The following SKAP1 variants were observed in gnomAD, a reference collection of about 807,000 sequenced individuals.
SKAP1 encodes src kinase associated phosphoprotein 1.
SKAP1 carries 44 observed loss-of-function variants against 58.5 expected under a neutral mutation model. The observed-to-expected ratio is 0.75, with a 90% CI of 0.59 to 0.97. SKAP1 has a LOEUF of 0.97. SKAP1 is among the 50% of genes least tolerant of loss of function. The pLI, the probability that SKAP1 is intolerant of heterozygous loss-of-function variation, is 0.00. For missense variants in SKAP1, 390 were observed against 435.2 expected (o/e 0.90, Z 0.92); for synonymous variants, 127 against 149.7 (o/e 0.85, Z 1.11).
At chr17:48,208,778 T>C (rs2064837880) in intron 4 of SKAP1, among the ~76,000 whole-genome samples, 1 of 152,226 alleles carries the variant, frequency 6.6e-6, no homozygotes, top group African/African-American at 2.4e-5. Flanking sequence ...AAAATCACCA[T>C]AGACAATTCA....
intron 4 of SKAP1, among the ~76,000 whole-genome samples, chr17:48,235,601 G>A (rs2065171578): frequency 1.3e-5 from 2 of 152,206 alleles, no homozygotes; most frequent in Non-Finnish European, 2.9e-5. Flanking sequence ...GATGCTGCTG[G>A]AAATTGTGTT....
At chr17:48,413,546 G>C (rs1362516276) in intron 1 of SKAP1, among the ~76,000 whole-genome samples, 1 of 118,868 alleles carries the variant, frequency 8.4e-6, no homozygotes, top group African/African-American at 3.6e-5. Context: ...ATATATATTT[G>C]CTCTTCAATG....
chr17:48,269,883 C>T (rs920405028), intron 4 of SKAP1, among the ~76,000 whole-genome samples: 3 of 152,002 alleles, frequency 2.0e-5, no homozygotes, highest in Admixed American at 1.3e-4. Flanking sequence ...CACCTGAGGT[C>T]GGGAGTATCA....
chr17:48,309,059 C>T (rs185938203), intron 4 of SKAP1, among the ~76,000 whole-genome samples: 32 of 152,082 alleles, frequency 2.1e-4, no homozygotes, highest in Non-Finnish European at 4.1e-4. Context: ...TTTTCTTCCT[C>T]AAGAACTTTA....
intron 4 of SKAP1, among the ~76,000 whole-genome samples, chr17:48,316,798 C>A (rs139623363): frequency 2.0e-5 from 3 of 152,284 alleles, no homozygotes; most frequent in Admixed American, 2.0e-4. Context: ...CTAAGATGAG[C>A]TATTGATCAG....
intron 1 of SKAP1, among the ~76,000 whole-genome samples, chr17:48,417,744 C>CAAAA (rs57181313): frequency 1.7e-5 from 2 of 114,504 alleles, no homozygotes; most frequent in African/African-American, 6.1e-5. Context: ...GACTTCGTCT[C>CAAAA]AAAAAAAAAA....
the SKAP1 span, among the ~76,000 whole-genome samples, chr17:48,442,643 T>G: frequency 6.6e-6 from 1 of 152,200 alleles, no homozygotes; most frequent in African/African-American, 2.4e-5. Context: ...TTGCCCAATC[T>G]GGAACCCTGG....
chr17:48,313,512 T>C (rs1043788304), intron 4 of SKAP1, among the ~76,000 whole-genome samples: 1 of 152,160 alleles, frequency 6.6e-6, no homozygotes, highest in African/African-American at 2.4e-5. Context: ...CAATGCCCCC[T>C]AGGTTTCAAG....
intron 1 of SKAP1, among the ~76,000 whole-genome samples, chr17:48,403,057 ATG>A (rs2067521115): frequency 1.3e-5 from 2 of 152,184 alleles, no homozygotes. Flanking sequence ...GTTGTATAGT[ATG>A]TGAATTATAT....
At chr17:48,284,061 A>T (rs1359124462) in intron 4 of SKAP1, among the ~76,000 whole-genome samples, 1 of 152,128 alleles carries the variant, frequency 6.6e-6, no homozygotes, top group African/African-American at 2.4e-5. Context: ...CATATTGCTA[A>T]GATTTCCTTT....
chr17:48,430,363 G>T (rs765259806), upstream of SKAP1: 6 of 236,596 alleles, frequency 2.5e-5, no homozygotes, highest in Non-Finnish European at 4.0e-5. Flanking sequence ...GGAGCCCCAC[G>T]GTAGAAGGAT....
In SKAP1 at chr17:48,215,604, A is replaced by G. The variant is rs142011921; in HGVS notation, c.281-26104T>C. On this transcript the variant is annotated intron_variant, in intron 4 of 12. Coordinates refer to ENST00000336915, the MANE Select transcript of SKAP1 (RefSeq NM_003726.4). Reference sequence around the variant, plus strand: ...TGTGAGATATGACTCTGGACTCAGGAGAAGACCATTTTCTCATGGCCTCCC... The same window carrying G: ...TGTGAGATATGACTCTGGACTCAGGGGAAGACCATTTTCTCATGGCCTCCC... Among the ~76,000 whole-genome samples the G allele has an allele frequency of 7.9e-5, 12 of 152,308 alleles. No individual in the cohort carries two copies. In the East Asian group the frequency reaches 2.3e-3, roughly 29 times the overall value.
At chr17:48,389,436 T>C (rs1015482897) in intron 2 of SKAP1, among the ~76,000 whole-genome samples, 1 of 152,256 alleles carries the variant, frequency 6.6e-6, no homozygotes, top group African/African-American at 2.4e-5. Context: ...CCTGGGGCGA[T>C]AGGCTGAGAT....
chr17:48,411,809 T>G (rs2067669347), intron 1 of SKAP1, among the ~76,000 whole-genome samples: 1 of 152,104 alleles, frequency 6.6e-6, no homozygotes, highest in Non-Finnish European at 1.5e-5. Context: ...ACAATATACC[T>G]CACCAGTACT....
chr17:48,227,228 C>G lies in SKAP1; in HGVS notation c.281-37728G>C, dbSNP rs1018297523. On this transcript the variant is annotated intron_variant, in intron 4 of 12. Coordinates refer to ENST00000336915, the MANE Select transcript of SKAP1 (RefSeq NM_003726.4). ...AGGGCTTGGGAAAAATTAAGAGTTT[C>G]CAGAAAGACTATTTCCTAAACTGCC... is the stretch of plus-strand genomic sequence containing the variant. 3.9e-5 allele frequency among the ~76,000 whole-genome samples: 6 copies of G among 152,250 alleles called. No individual in the cohort carries two copies. The South Asian group carries it at 1.2e-3, about 32-fold the overall frequency.
chr17:48,283,238 C>T (rs868847053), intron 4 of SKAP1, among the ~76,000 whole-genome samples: 1 of 152,022 alleles, frequency 6.6e-6, no homozygotes, highest in African/African-American at 2.4e-5. Context: ...TTAGAGTAGA[C>T]TATGATACAG....
chr17:48,413,639 A>G (rs1450726983), intron 1 of SKAP1, among the ~76,000 whole-genome samples: 3 of 150,804 alleles, frequency 2.0e-5, no homozygotes, highest in African/African-American at 7.4e-5. Flanking sequence ...CTGAACAGGG[A>G]AGAGATTTTA....
intron 3 of SKAP1, among the ~76,000 whole-genome samples, chr17:48,356,245 G>A (rs35003027): frequency 0.21 from 32,171 of 151,988 alleles, 3,429 homozygotes; most frequent in Admixed American, 0.22. Flanking sequence ...GTGACAGAGC[G>A]AGATTCTGTC....
chr17:48,283,688 A>G (rs2065795900), intron 4 of SKAP1, among the ~76,000 whole-genome samples: 1 of 152,152 alleles, frequency 6.6e-6, no homozygotes, highest in African/African-American at 2.4e-5. Flanking sequence ...GAAGTGAGCG[A>G]CGGCTGGATA....
Sources: gnomAD v4.1 joint callset for allele counts (sites outside exome capture counted in the v4.1 genomes callset) on GRCh38, gnomAD v4.1.1 for gene constraint, MANE v1.5 for transcripts, NCBI Gene and HGNC (gene_info 2026-07-23, HGNC 2026-07-21) for gene names.